The following CHCHD6 variants were observed in gnomAD, a reference collection of about 807,000 sequenced individuals.
CHCHD6 encodes the protein coiled-coil-helix-coiled-coil-helix domain containing 6.
Under a neutral mutation model 32.3 loss-of-function variants are expected in CHCHD6, and 28 were observed. The ratio of observed to expected loss-of-function variants is 0.87; its 90% CI spans 0.64 to 1.19. CHCHD6 has a LOEUF of 1.19. CHCHD6 is among the 50% of genes most tolerant of loss of function. The probability of loss-of-function intolerance (pLI) is 0.00; values close to 1 mark genes in which losing one functional copy is unlikely to be tolerated. For missense variants in CHCHD6, 333 were observed against 307.0 expected, an observed-to-expected ratio of 1.08 and a Z score of -0.63; for synonymous variants, 122 against 117.5, an observed-to-expected ratio of 1.04 and a Z score of -0.25.
At chr3:126,803,372 C>A (rs1939184219) in intron 4 of CHCHD6, among the ~76,000 whole-genome samples, 1 of 152,090 alleles carries the variant, frequency 6.6e-6, no homozygotes, top group Admixed American at 6.5e-5. Context: ...GGAGGAAGAT[C>A]TACCAAGCAA....
intron 5 of CHCHD6, among the ~76,000 whole-genome samples, chr3:126,883,832 C>G (rs1302917490): frequency 6.6e-6 from 1 of 152,176 alleles, no homozygotes; most frequent in African/African-American, 2.4e-5. Flanking sequence ...AAAATAGAAC[C>G]TTTTAGAAAA....
At chr3:126,762,313 A>G (rs1253146851) in intron 4 of CHCHD6, among the ~76,000 whole-genome samples, 2 of 152,110 alleles carry the variant, frequency 1.3e-5, no homozygotes, top group African/African-American at 2.4e-5. Flanking sequence ...CTTTCCTTCT[A>G]TCCCGTAAGT....
At chr3:126,784,246 A>G (rs1052496460) in intron 4 of CHCHD6, among the ~76,000 whole-genome samples, 5 of 152,148 alleles carry the variant, frequency 3.3e-5, no homozygotes, top group Non-Finnish European at 5.9e-5. Flanking sequence ...CTTGAACAAC[A>G]AAAGTTTTCT....
At chr3:126,872,388 A>G (rs1008012559) in intron 5 of CHCHD6, among the ~76,000 whole-genome samples, 1 of 152,098 alleles carries the variant, frequency 6.6e-6, no homozygotes, top group Non-Finnish European at 1.5e-5. Flanking sequence ...TTAAGTGCCA[A>G]GATGAAGAGA....
At chr3:126,931,680 A>G (rs1312910450) in intron 6 of CHCHD6, among the ~76,000 whole-genome samples, 1 of 152,178 alleles carries the variant, frequency 6.6e-6, no homozygotes, top group Non-Finnish European at 1.5e-5. Context: ...CATACCTCCC[A>G]GTTAGTTACC....
chr3:126,818,346 T>C (rs1289746257), intron 4 of CHCHD6, among the ~76,000 whole-genome samples: 2 of 152,204 alleles, frequency 1.3e-5, no homozygotes, highest in African/African-American at 2.4e-5. Context: ...GGTTCTGTGC[T>C]CTGTAAACTC....
At chr3:126,932,319 G>A (rs1358246502) in intron 6 of CHCHD6, among the ~76,000 whole-genome samples, 1 of 152,156 alleles carries the variant, frequency 6.6e-6, no homozygotes, top group Non-Finnish European at 1.5e-5. Context: ...CCCCAAGCGA[G>A]GCCCTTGGAA....
chr3:126,743,387 A>C (rs183852070), intron 4 of CHCHD6, among the ~76,000 whole-genome samples: 1 of 152,152 alleles, frequency 6.6e-6, no homozygotes, highest in South Asian at 2.1e-4. Context: ...TTCTCTGGCT[A>C]TGGTGCCTGG....
chr3:126,794,185 G>A (rs1264701336), intron 4 of CHCHD6, among the ~76,000 whole-genome samples: 1 of 151,642 alleles, frequency 6.6e-6, no homozygotes, highest in East Asian at 1.9e-4. Flanking sequence ...TATTTTTTCT[G>A]TATCATACGT....
chr3:126,834,828 G>A (rs1400973464), intron 4 of CHCHD6, among the ~76,000 whole-genome samples: 4 of 152,122 alleles, frequency 2.6e-5, no homozygotes, highest in African/African-American at 7.2e-5. Context: ...TGAAGGAAGC[G>A]TTGGCTGGGT....
chr3:126,799,546 G>T (rs982688245), intron 4 of CHCHD6, among the ~76,000 whole-genome samples: 1 of 152,192 alleles, frequency 6.6e-6, no homozygotes, highest in African/African-American at 2.4e-5. Flanking sequence ...TGGTCTTTGT[G>T]TCAGGGTCAG....
At chr3:126,734,920 A>C (rs537385159) in intron 4 of CHCHD6, among the ~76,000 whole-genome samples, 1 of 152,254 alleles carries the variant, frequency 6.6e-6, no homozygotes, top group African/African-American at 2.4e-5. Flanking sequence ...ATGGTTCCTG[A>C]AGTTTGTAAG....
chr3:126,960,291 T>C lies in CHCHD6; in HGVS notation c.*90T>C. On this transcript the variant is annotated 3_prime_UTR_variant, in exon 8 of 8. Transcript: ENST00000290913. ...ACCACAGCCACTGTGCCCTGCCGTT[T>C]CCTGCTGGGCCCCTGCATATGCCCC... The C allele has an allele frequency of 6.8e-7, 1 of 1,476,146 alleles. No individual in the cohort carries two copies. 91.4% of individuals were successfully genotyped at this position (1,476,146 alleles called of 1,614,324 possible). A position where few individuals can be genotyped will look rare whatever the true frequency, so the allele number is the denominator to read the frequency against.
At chr3:126,794,194 G>A (rs1486664182) in intron 4 of CHCHD6, among the ~76,000 whole-genome samples, 4 of 151,644 alleles carry the variant, frequency 2.6e-5, no homozygotes, top group African/African-American at 4.8e-5. Flanking sequence ...TGTATCATAC[G>A]TTTCTCCTTT....
In CHCHD6 at chr3:126,735,750, T is replaced by C. The variant is rs78525677; in HGVS notation, c.411+2528T>C. 2.6e-5 allele frequency among the ~76,000 whole-genome samples: 4 copies of C among 152,232 alleles called. No individual in the cohort carries two copies. The East Asian group carries it at 7.7e-4, about 29-fold the overall frequency. ...ATATCTTTTGCCATCTCCTACACTT[T>C]CAGGGTACCATTGGTTTCTGTCTGG... On this transcript the variant is annotated intron_variant, in intron 4 of 7. Transcript: ENST00000290913.
chr3:126,781,186 G>A (rs1321145845), intron 4 of CHCHD6, among the ~76,000 whole-genome samples: 3 of 152,196 alleles, frequency 2.0e-5, no homozygotes, highest in Admixed American at 2.0e-4. Context: ...TGGCATGAAG[G>A]AAGGTAGGAG....
intron 6 of CHCHD6, among the ~76,000 whole-genome samples, chr3:126,933,920 G>C (rs1184988742): frequency 6.6e-6 from 1 of 152,148 alleles, no homozygotes; most frequent in Non-Finnish European, 1.5e-5. Flanking sequence ...CACACATACT[G>C]TCTCTCTCAC....
At chr3:126,706,421 A>T (rs1245318820) in intron 1 of CHCHD6, among the ~76,000 whole-genome samples, 2 of 152,114 alleles carry the variant, frequency 1.3e-5, no homozygotes, top group Non-Finnish European at 2.9e-5. Flanking sequence ...ACTTTTTCTC[A>T]CTTCTGCAAT....
intron 5 of CHCHD6, among the ~76,000 whole-genome samples, chr3:126,895,885 G>C (rs1453897378): frequency 1.3e-5 from 2 of 152,216 alleles, no homozygotes; most frequent in Non-Finnish European, 2.9e-5. Context: ...GTCAGAGATG[G>C]GACCTCTTGC....
Sources: gnomAD v4.1 joint callset for allele counts (sites outside exome capture counted in the v4.1 genomes callset) on GRCh38, gnomAD v4.1.1 for gene constraint, MANE v1.5 for transcripts, NCBI Gene and HGNC (gene_info 2026-07-23, HGNC 2026-07-21) for gene names.